The following RALYL variants were observed in gnomAD, a reference collection of about 807,000 sequenced individuals.
RALYL encodes RNA-binding Raly-like protein.
A neutral mutation model predicts 35.1 loss-of-function variants in RALYL; 29 were observed. The ratio of observed to expected loss-of-function variants is 0.83; its 90% CI spans 0.61 to 1.13. The LOEUF (loss-of-function observed/expected upper bound fraction) is 1.13, where lower values mean the gene tolerates loss of function less well. RALYL is among the 50% of genes most tolerant of loss of function. The probability of loss-of-function intolerance (pLI) is 0.00; values close to 1 mark genes in which losing one functional copy is unlikely to be tolerated. For synonymous variants in RALYL, 120 were observed against 127.6 expected (o/e 0.94, Z 0.40); for missense variants, 359 against 360.4 (o/e 1.00, Z 0.03).
chr8:84,824,202 A>G (rs1046606947), intron 4 of RALYL, among the ~76,000 whole-genome samples: 17 of 152,154 alleles, frequency 1.1e-4, no homozygotes, highest in African/African-American at 3.9e-4. Flanking sequence ...GCATTTCTAT[A>G]TACCAATAAT....
At chr8:84,726,003 A>T (rs1844879512) in intron 2 of RALYL, among the ~76,000 whole-genome samples, 1 of 151,408 alleles carries the variant, frequency 6.6e-6, no homozygotes. Context: ...GATTTAAACA[A>T]AGCAATTTAA....
intron 2 of RALYL, among the ~76,000 whole-genome samples, chr8:84,564,209 A>G (rs1057413810): frequency 2.0e-5 from 3 of 151,712 alleles, no homozygotes; most frequent in Non-Finnish European, 4.4e-5. Flanking sequence ...CTCTTGACAT[A>G]AGTTTCCTCC....
chr8:84,392,325 G>T (rs1042303902), intron 1 of RALYL, among the ~76,000 whole-genome samples: 3 of 151,828 alleles, frequency 2.0e-5, no homozygotes, highest in African/African-American at 7.3e-5. Flanking sequence ...ATCCACTAAA[G>T]ATCAATTAGT....
At chr8:84,388,531 A>G (rs1859803084) in intron 1 of RALYL, among the ~76,000 whole-genome samples, 1 of 152,100 alleles carries the variant, frequency 6.6e-6, no homozygotes. Flanking sequence ...AATGACTGCC[A>G]TTTAATTGGT....
chr8:84,523,787 T>G (rs376961442), intron 1 of RALYL, among the ~76,000 whole-genome samples: 1 of 151,668 alleles, frequency 6.6e-6, no homozygotes. Flanking sequence ...GTTCTTGCGA[T>G]AGTTTACTGA....
chr8:84,646,271 G>T (rs1325439760), intron 2 of RALYL, among the ~76,000 whole-genome samples: 5 of 149,736 alleles, frequency 3.3e-5, no homozygotes, highest in African/African-American at 1.2e-4. Flanking sequence ...TCATATTTTT[G>T]GTCATTTTGT....
chr8:84,223,192 T>C (rs1303290064), intron 1 of RALYL, among the ~76,000 whole-genome samples: 4 of 110,610 alleles, frequency 3.6e-5, no homozygotes, highest in Non-Finnish European at 5.3e-5. Context: ...TCCCTTCCCT[T>C]CCCTTCCCTT....
At chr8:84,747,267 A>G (rs547900544) in intron 2 of RALYL, among the ~76,000 whole-genome samples, 2 of 151,920 alleles carry the variant, frequency 1.3e-5, no homozygotes. Context: ...ATGTAAAAAA[A>G]AAATGGTGCT....
intron 2 of RALYL, among the ~76,000 whole-genome samples, chr8:84,673,419 G>A (rs566630029): frequency 2.0e-5 from 3 of 151,790 alleles, no homozygotes; most frequent in African/African-American, 7.2e-5. Context: ...AATTGCTTTG[G>A]GTGTCTTTGT....
intron 1 of RALYL, among the ~76,000 whole-genome samples, chr8:84,526,945 C>A (rs969431338): frequency 1.2e-4 from 18 of 152,156 alleles, no homozygotes; most frequent in African/African-American, 4.3e-4. Flanking sequence ...TTCTTTGAGT[C>A]AGGAGGGTTA....
intron 1 of RALYL, among the ~76,000 whole-genome samples, chr8:84,491,309 G>A (rs2055274209): frequency 6.6e-6 from 1 of 151,752 alleles, no homozygotes; most frequent in Admixed American, 6.6e-5. Flanking sequence ...TCAAAATATG[G>A]CTTATTTTAT....
chr8:84,659,493 G>A lies in RALYL; in HGVS notation c.257-115086G>A, dbSNP rs1179773194. Among the ~76,000 whole-genome samples, 3 of 152,006 alleles carry A rather than the reference G, an allele frequency of 2.0e-5. 1 individual carries two copies. In the South Asian group the frequency reaches 6.2e-4, roughly 32 times the overall value. On this transcript the variant is annotated intron_variant, in intron 2 of 8. Transcript: ENST00000521268. ...AGAAAAGGCTGTTTGATAAAGAAAG[G>A]TAGCTTGTTGCAGCACTAAAAGCTG... is the stretch of plus-strand genomic sequence containing the variant.
chr8:84,645,341 C>T (rs1827268947), intron 2 of RALYL, among the ~76,000 whole-genome samples: 2 of 151,586 alleles, frequency 1.3e-5, no homozygotes, highest in African/African-American at 4.8e-5. Context: ...GATTTCTATT[C>T]CAGCTCTAGT....
chr8:84,311,088 AAAATG>A (rs1842718983), intron 1 of RALYL, among the ~76,000 whole-genome samples: 1 of 126,258 alleles, frequency 7.9e-6, no homozygotes, highest in Non-Finnish European at 1.7e-5. Flanking sequence ...AAAAAAAAAA[AAAATG>A]TATATTAATG....
chr8:84,602,073 T>G (rs1816098679), intron 2 of RALYL, among the ~76,000 whole-genome samples: 1 of 152,110 alleles, frequency 6.6e-6, no homozygotes, highest in Non-Finnish European at 1.5e-5. Context: ...GACCTCATCC[T>G]TCTCCTTGTT....
chr8:84,911,035 T>G (rs969816478), intron 8 of RALYL, among the ~76,000 whole-genome samples: 1 of 152,116 alleles, frequency 6.6e-6, no homozygotes, highest in African/African-American at 2.4e-5. Context: ...AGAGAGTAAC[T>G]ATATCTGGAA....
chr8:84,771,548 C>T (rs1563567138), intron 2 of RALYL, among the ~76,000 whole-genome samples: 1 of 152,050 alleles, frequency 6.6e-6, no homozygotes, highest in Non-Finnish European at 1.5e-5. Context: ...GAAATGCCAG[C>T]ATTTGATATT....
chr8:84,316,075 A>G (rs1294788186), intron 1 of RALYL, among the ~76,000 whole-genome samples: 2 of 152,204 alleles, frequency 1.3e-5, no homozygotes, highest in East Asian at 1.9e-4. Flanking sequence ...ATTAACTTAG[A>G]TTCAGATAAT....
At chr8:84,857,723 G>A (rs1837335461) in intron 5 of RALYL, among the ~76,000 whole-genome samples, 1 of 152,070 alleles carries the variant, frequency 6.6e-6, no homozygotes, top group South Asian at 2.1e-4. Flanking sequence ...CAAAGAGAAT[G>A]AGCTAGAATA....
Sources: gnomAD v4.1 joint callset for allele counts (sites outside exome capture counted in the v4.1 genomes callset) on GRCh38, gnomAD v4.1.1 for gene constraint, MANE v1.5 for transcripts, NCBI Gene and HGNC (gene_info 2026-07-23, HGNC 2026-07-21) for gene names.